CSF2RB: variants seen among roughly 807,000 people sequenced by gnomAD.
CSF2RB encodes the protein cytokine receptor common subunit beta.
In CSF2RB, 22 loss-of-function variants were observed where a neutral mutation model predicts 67.2. That is an observed-to-expected ratio of 0.33 (90% CI 0.23 to 0.47). The LOEUF is 0.47. Ranked by LOEUF, CSF2RB falls within the 20% of genes least tolerant of loss-of-function variation. CSF2RB has a pLI of 1.00. For synonymous variants in CSF2RB, 507 were observed against 482.9 expected (o/e 1.05, Z -0.65); for missense variants, 1,113 against 1,174.5 (o/e 0.95, Z 0.76).
chr22:36,930,382 G>A lies in CSF2RB; in HGVS notation c.726G>A (p.Glu242=). 6.2e-7 allele frequency: 1 copy of A among 1,613,564 alleles called. No individual in the cohort carries two copies. The highest frequency in any genetic ancestry group is 8.5e-7 in the Non-Finnish European group (1 of 1,180,026). The stretch of plus-strand genomic sequence containing the variant: ...GACCTGTCTCCAACCCAGGGGATGA[G>A]GCCCAGCCCCAGAACCTGGAGTGCT... ...EVCWDSQPGD[E]AQPQNLECFF... is the part of the protein sequence containing the mutation. Residue 242 remains glutamate, a synonymous_variant, in exon 7 of 14, where the codon GAG becomes GAA. Transcript: ENST00000403662.
At chr22:36,934,051 T>C in intron 10 of CSF2RB, 57 bp downstream of exon 10, 1 of 1,599,426 alleles carries the variant, frequency 6.3e-7, no homozygotes, top group South Asian at 1.1e-5. Context: ...AGTTTCTCAC[T>C]GCCAGAAAAT....
Position 36,933,979 on chromosome 22 carries a change from T to G in CSF2RB, c.1300T>G (p.Trp434Gly). The stretch of plus-strand genomic sequence containing the variant: ...GAGCGAGTGGAGTGAGGCGCGCTCC[T>G]GGGACACCGAGTCGGGTAGGTGAAG... The part of the protein sequence containing the change: ...IWSEWSEARS[W>G]DTESVLPMWV... Residue 434 changes from tryptophan (W) to glycine (G), a missense_variant, in exon 10 of 14, where the codon TGG becomes GGG. By Grantham distance (184) the Trp-to-Gly change is radical (BLOSUM62 -2). Around this residue, in one of 2 missense-constraint regions of CSF2RB, gnomAD observed 559 missense variants for 656.5 expected, o/e 0.85. Coordinates refer to ENST00000403662, the MANE Select transcript of CSF2RB (RefSeq NM_000395.3). 6.2e-7 allele frequency: 1 copy of G among 1,612,654 alleles called. No homozygotes were observed. The highest frequency in any genetic ancestry group is 8.5e-7 in the Non-Finnish European group (1 of 1,179,972).
intron 1 of CSF2RB, 71 bp from the exon 2 acceptor site, chr22:36,921,965 A>T: frequency 1.7e-6 from 1 of 589,904 alleles, no homozygotes; most frequent in Non-Finnish European, 3.0e-6. Flanking sequence ...GGTTGTCCCC[A>T]CAACACGGGC....
At chr22:36,923,119 C>G in intron 2 of CSF2RB, 125 bp from the exon 3 acceptor site, 1 of 1,441,158 alleles carries the variant, frequency 6.9e-7, no homozygotes. Context: ...GCCTGGCCAC[C>G]TGGTGCCTCT....
chr22:36,934,167 C>G (rs894260681), intron 10 of CSF2RB, among the ~76,000 whole-genome samples, 173 bp downstream of exon 10: 7 of 152,168 alleles, frequency 4.6e-5, no homozygotes, highest in Non-Finnish European at 1.0e-4. Context: ...GAGAGCACCT[C>G]CCACCTGGTC....
intron 1 of CSF2RB, among the ~76,000 whole-genome samples, chr22:36,916,571 G>A (rs769330501): frequency 4.6e-5 from 7 of 152,080 alleles, no homozygotes; most frequent in Admixed American, 1.3e-4. Flanking sequence ...GAATCAGTTT[G>A]CCAAGGCCAG....
rs1941213075 is a variant in CSF2RB, at chr22:36,933,893, C to T, written c.1214C>T (p.Ser405Phe). The T allele has an allele frequency of 6.2e-7, 1 of 1,611,748 alleles. No individual in the cohort carries two copies. Among genetic ancestry groups the T allele is most frequent in the African/African-American group, 1.3e-5 (1 of 75,020 alleles). ...ATGGCCCTGCCAGCCCTGGAGCCCTCCACCAGGTACTGGGCCAGGGTGAGG... is the reference window on the plus strand; with the variant it reads ...ATGGCCCTGCCAGCCCTGGAGCCCTTCACCAGGTACTGGGCCAGGGTGAGG... ...HSMALPALEPSTRYWARVRVR... is the reference protein window; with the variant it reads ...HSMALPALEPFTRYWARVRVR... The change falls in exon 10 of 14, where the codon TCC becomes TTC. Residue 405 changes from serine to phenylalanine, a missense_variant. Ser to Phe is a radical substitution (Grantham distance 155). This residue lies in a region of CSF2RB where 559 missense variants were observed against 656.5 expected (regional missense o/e 0.85). Transcript: ENST00000403662.
chr22:36,932,664 T>C, intron 8 of CSF2RB, 101 bp from the exon 9 acceptor site: 1 of 1,396,814 alleles, frequency 7.2e-7, no homozygotes, highest in Non-Finnish European at 9.9e-7. Flanking sequence ...ACCTGGGGTC[T>C]GGTGCCAGTG....
chr22:36,932,251 A>G (rs980756383), intron 8 of CSF2RB, among the ~76,000 whole-genome samples: 1 of 152,168 alleles, frequency 6.6e-6, no homozygotes, highest in Non-Finnish European at 1.5e-5. Context: ...CCTGGCCAAC[A>G]TGGTGAAACC....
At position 36,938,341 on chromosome 22, in the gene CSF2RB, G is replaced by A. The variant is rs185150701; in HGVS notation, c.2533G>A (p.Gly845Ser). ...LRSKPSSPGPGPEIKNLDQAF... is the reference protein window; with the variant it reads ...LRSKPSSPGPSPEIKNLDQAF... ...GAGTAAACCTTCTTCCCCGGGACCC[G>A]GTCCTGAGATCAAGAACCTAGACCA... Residue 845 changes from glycine (G) to serine (S), a missense_variant, in exon 14 of 14, where the codon GGT becomes AGT. Around this residue, in one of 2 missense-constraint regions of CSF2RB, gnomAD observed 554 missense variants for 517.9 expected, o/e 1.07. Transcript: ENST00000403662. The A allele has an allele frequency of 3.6e-5, 58 of 1,614,126 alleles. No individual in the cohort carries two copies. The Middle Eastern group carries it at 1.2e-3, about 32-fold the overall frequency.
At chr22:36,920,220 T>C (rs549001237) in intron 1 of CSF2RB, among the ~76,000 whole-genome samples, 404 of 152,354 alleles carry the variant, frequency 2.7e-3, no homozygotes, top group Non-Finnish European at 4.6e-3. Context: ...GTGAGTATTG[T>C]TTGTGCTCTT....
At chr22:36,934,083 A>T in intron 10 of CSF2RB, 89 bp downstream of exon 10, 3 of 1,533,850 alleles carry the variant, frequency 2.0e-6, no homozygotes, top group Non-Finnish European at 2.7e-6. Flanking sequence ...CAGCCGTAGC[A>T]GGCCTGCAAC....
chr22:36,928,909 TGA>T (rs1166777170), intron 4 of CSF2RB, among the ~76,000 whole-genome samples: 2 of 151,820 alleles, frequency 1.3e-5, no homozygotes, highest in Non-Finnish European at 2.9e-5. Context: ...TATGGTGAAA[TGA>T]GAGAAGGAAT....
intron 8 of CSF2RB, among the ~76,000 whole-genome samples, chr22:36,931,036 T>C (rs1415766727): frequency 6.6e-6 from 1 of 152,224 alleles, no homozygotes; most frequent in Non-Finnish European, 1.5e-5. Context: ...TTAAAACCTC[T>C]GATCTCTTGT....
chr22:36,921,960 TC>T, intron 1 of CSF2RB, 75 bp from the exon 2 acceptor site: 1 of 587,982 alleles, frequency 1.7e-6, no homozygotes, highest in South Asian at 2.0e-5. Context: ...CTCTGGGTTG[TC>T]CCCACAACAC....
In CSF2RB at chr22:36,936,631, G is replaced by A; in HGVS notation, c.1547G>A (p.Ser516Asn). The change falls in exon 13 of 14, where the codon AGC becomes AAC. Residue 516 changes from serine (S) to asparagine (N), a missense_variant. Around this residue, in one of 2 missense-constraint regions of CSF2RB, gnomAD observed 554 missense variants for 517.9 expected, o/e 1.07. Transcript: ENST00000403662. ...GSPPHQGPWG[S>N]RFPELEGVFP... is the part of the protein sequence containing the mutation. ...CCCCCACACCAGGGGCCGTGGGGCA[G>A]CCGCTTCCCTGAGCTGGAGGGGTGA... The A allele has an allele frequency of 6.2e-7, 1 of 1,613,590 alleles. No individual in the cohort carries two copies.
In CSF2RB at chr22:36,940,029, A is replaced by G. The variant is rs908505288; in HGVS notation, c.*1527A>G. On this transcript the variant is annotated 3_prime_UTR_variant, in exon 14 of 14. Coordinates refer to ENST00000403662, the MANE Select transcript of CSF2RB (RefSeq NM_000395.3). ...CTTTTGGTACTGAAATTCTTTTTCC[A>G]TGTACCTGAAGTGTTACTTTTGTGA... 2 of 152,214 alleles carry G rather than the reference A, an allele frequency of 1.3e-5. No individual in the cohort carries two copies. The highest frequency in any genetic ancestry group is 4.8e-5 in the African/African-American group (2 of 41,460). The allele number at this position is 152,214 out of a possible 1,614,324, so 9.4% of individuals were successfully genotyped here.
chr22:36,936,733 T>C (rs1400487423), intron 13 of CSF2RB, 81 bp downstream of exon 13: 23 of 1,246,106 alleles, frequency 1.8e-5, no homozygotes, highest in Non-Finnish European at 2.5e-5. Flanking sequence ...GGGACTCAAG[T>C]GAGGCTGCCT....
Position 36,929,571 on chromosome 22 carries a change from G to C in CSF2RB, c.549+12G>C, listed in dbSNP as rs529939805. On this transcript the variant is annotated intron_variant, in intron 5 of 13. Coordinates refer to ENST00000403662, the MANE Select transcript of CSF2RB (RefSeq NM_000395.3). ...AGGACTCTTGGGAGGTAGGAACCAC[G>C]GCCAGCTCTGCCCCAGCCCGAAGGG... The C allele has an allele frequency of 6.2e-7, 1 of 1,614,112 alleles. No homozygotes were observed. Among genetic ancestry groups the C allele is most frequent in the Non-Finnish European group, 8.5e-7 (1 of 1,180,000 alleles).
Sources: allele counts gnomAD v4.1 joint callset (sites outside exome capture counted in the v4.1 genomes callset), GRCh38; gene constraint gnomAD v4.1.1; regional missense constraint gnomAD v4.1.1; transcripts MANE v1.5; gene names NCBI Gene and HGNC (gene_info 2026-07-23, HGNC 2026-07-21).